EML6: variants seen among roughly 807,000 people sequenced by gnomAD.
EML6 encodes the protein EMAP like 6.
In EML6, 154 loss-of-function variants were observed where a neutral mutation model predicts 240.1. The observed-to-expected ratio is 0.64, with a 90% CI of 0.56 to 0.73. EML6 has a LOEUF of 0.73. Ranked by LOEUF, EML6 falls within the 30% of genes least tolerant of loss-of-function variation. The pLI, the probability that EML6 is intolerant of heterozygous loss-of-function variation, is 0.00. For synonymous variants in EML6, 1,148 were observed against 899.0 expected, an observed-to-expected ratio of 1.28 and a Z score of -4.95; for missense variants, 2,964 against 2,474.6, an observed-to-expected ratio of 1.20 and a Z score of -4.20.
At chr2:54,871,398 A>C (rs1014793690) in intron 15 of EML6, 102 bp from the exon 16 acceptor site, 2 of 849,016 alleles carry the variant, frequency 2.4e-6, no homozygotes, top group African/African-American at 3.4e-5. Context: ...CTATTCTCCA[A>C]ATGGGTTTAT....
At position 54,796,160 on chromosome 2, in the gene EML6, C is replaced by A. The variant is rs535575673; in HGVS notation, c.198-17072C>A. 7.2e-5 allele frequency among the ~76,000 whole-genome samples: 11 copies of A among 152,260 alleles called. No homozygotes were observed. The East Asian group carries it at 2.1e-3, about 29-fold the overall frequency. ...CCGTCTAATAGTATATAAGTAAAAT[C>A]CCAAGATATCATATCTATCTATGAC... is the stretch of plus-strand genomic sequence containing the variant. On this transcript the variant is annotated intron_variant, in intron 2 of 41. Transcript: ENST00000356458.
chr2:54,769,923 A>G (rs1368896444), intron 2 of EML6, among the ~76,000 whole-genome samples: 2 of 152,166 alleles, frequency 1.3e-5, no homozygotes, highest in African/African-American at 4.8e-5. Context: ...GAAAGCCACT[A>G]TAAATTTTAT....
At chr2:54,914,908 G>C (rs760187559) in intron 25 of EML6, among the ~76,000 whole-genome samples, 9 of 152,046 alleles carry the variant, frequency 5.9e-5, no homozygotes, top group Non-Finnish European at 1.3e-4. Context: ...TACAGTTAAA[G>C]CAGCACCATA....
chr2:54,832,117 C>G (rs913462809), intron 7 of EML6, among the ~76,000 whole-genome samples: 2 of 152,176 alleles, frequency 1.3e-5, no homozygotes, highest in African/African-American at 4.8e-5. Context: ...GAGATGCCTT[C>G]ATTCCAGTCC....
chr2:54,788,810 G>T (rs1017263917), intron 2 of EML6, among the ~76,000 whole-genome samples: 1 of 152,130 alleles, frequency 6.6e-6, no homozygotes, highest in Non-Finnish European at 1.5e-5. Context: ...TATTTCTCCT[G>T]AAGTTTTTAT....
intron 41 of EML6, among the ~76,000 whole-genome samples, chr2:54,969,344 C>A (rs1458947554): frequency 6.6e-6 from 1 of 152,190 alleles, no homozygotes; most frequent in Non-Finnish European, 1.5e-5. Context: ...TACAGGCCTT[C>A]TGATACTTCC....
At chr2:54,881,930 G>C (rs567509389) in intron 17 of EML6, 1 of 152,388 alleles carries the variant, frequency 6.6e-6, no homozygotes, top group East Asian at 1.9e-4. Context: ...CAGGAAGTGA[G>C]ATTTCTCCAC....
At chr2:54,908,678 C>T (rs967388753) in intron 24 of EML6, among the ~76,000 whole-genome samples, 1 of 152,186 alleles carries the variant, frequency 6.6e-6, no homozygotes, top group Non-Finnish European at 1.5e-5. Context: ...TCTGCACAAG[C>T]AGCCTTTCTC....
Position 54,863,838 on chromosome 2 carries a change from C to A in EML6, c.1881C>A (p.Pro627=). The A allele has an allele frequency of 6.5e-7, 1 of 1,548,904 alleles. No homozygotes were observed. Among genetic ancestry groups the A allele is most frequent in the Non-Finnish European group, 8.7e-7 (1 of 1,145,796 alleles). The change falls in exon 13 of 42, where the codon CCC becomes CCA. Residue 627 remains proline (P), a synonymous_variant. Transcript: ENST00000356458. The part of the protein sequence containing the change: ...EESDSDLSDV[P]ELDSDIEQEA... ...CTGATTCAGATTTATCTGATGTGCC[C>A]GAACTGGACTCTGATATTGAGCAAG...
At chr2:54,937,338 A>G (rs1233682283) in intron 28 of EML6, among the ~76,000 whole-genome samples, 1 of 151,636 alleles carries the variant, frequency 6.6e-6, no homozygotes, top group Non-Finnish European at 1.5e-5. Flanking sequence ...TTATCCCAGC[A>G]CTTTGGGAAG....
At chr2:54,822,512 G>C (rs1051241620) in intron 5 of EML6, among the ~76,000 whole-genome samples, 1 of 152,082 alleles carries the variant, frequency 6.6e-6, no homozygotes, top group Non-Finnish European at 1.5e-5. Context: ...AACCACTTAA[G>C]TGTCTCTAGG....
intron 28 of EML6, among the ~76,000 whole-genome samples, chr2:54,934,400 T>A (rs534846513): frequency 6.6e-6 from 1 of 152,222 alleles, no homozygotes; most frequent in South Asian, 2.1e-4. Flanking sequence ...ACGCATAAGC[T>A]GTCACTTTGC....
intron 2 of EML6, among the ~76,000 whole-genome samples, chr2:54,758,516 G>A (rs1017968535): frequency 3.9e-4 from 60 of 152,176 alleles, no homozygotes; most frequent in Admixed American, 2.6e-4. Flanking sequence ...CTGTTTAGAA[G>A]TGATTTTCTC....
At chr2:54,823,850 T>TTCTCTCTCTCTCTCTCTCTCTCTATCTC (rs1668445501) in intron 5 of EML6, among the ~76,000 whole-genome samples, 1 of 72,262 alleles carries the variant, frequency 1.4e-5, no homozygotes, top group Admixed American at 1.9e-4. Context: ...CATTCATTCA[T>TTCTCTCTCTCTCTCTCTCTCTCTATCTC]TCTCTCTCTC....
intron 2 of EML6, among the ~76,000 whole-genome samples, chr2:54,808,144 G>A (rs1670594990): frequency 6.6e-6 from 1 of 152,130 alleles, no homozygotes; most frequent in Non-Finnish European, 1.5e-5. Context: ...TCCTGTTTGT[G>A]CTGCCCAAGC....
At chr2:54,826,297 G>A (rs112209440) in intron 5 of EML6, among the ~76,000 whole-genome samples, 98 of 152,250 alleles carry the variant, frequency 6.4e-4, no homozygotes, top group Non-Finnish European at 1.2e-3. Flanking sequence ...CCTGAGGGGG[G>A]GCTATATCAA....
chr2:54,954,059 G>C lies in EML6; in HGVS notation c.4389G>C (p.Lys1463Asn). 1.3e-6 allele frequency: 2 copies of C among 1,551,914 alleles called. No homozygotes were observed. The highest frequency in any genetic ancestry group is 2.4e-5 in the East Asian group (1 of 40,910). The change falls in exon 32 of 42, where the codon AAG becomes AAC. Residue 1463 changes from lysine to asparagine, a missense_variant. Physicochemically the swap from Lys to Asn is moderately conservative, Grantham distance 94. Coordinates refer to ENST00000356458, the MANE Select transcript of EML6 (RefSeq NM_001039753.4). ...TLSMLRCFHSKGVNYINFSAT... is the reference protein window; with the variant it reads ...TLSMLRCFHSNGVNYINFSAT... ...CCATGCTGCGGTGCTTCCACTCCAA[G>C]GGGGTGAATTACATCAACTTCAGTG...
At chr2:54,941,562 A>G (rs1044752937) in intron 28 of EML6, among the ~76,000 whole-genome samples, 2 of 152,238 alleles carry the variant, frequency 1.3e-5, no homozygotes, top group African/African-American at 4.8e-5. Context: ...GATTTACCAT[A>G]TAGAGATTGA....
chr2:54,848,327 G>A (rs184998018), intron 9 of EML6, among the ~76,000 whole-genome samples: 142 of 152,148 alleles, frequency 9.3e-4, no homozygotes, highest in Non-Finnish European at 3.7e-4. Flanking sequence ...AATATTTCCC[G>A]CTTTGCACAG....
Sources: allele counts gnomAD v4.1 joint callset (sites outside exome capture counted in the v4.1 genomes callset), GRCh38; gene constraint gnomAD v4.1.1; transcripts MANE v1.5; gene names NCBI Gene and HGNC (gene_info 2026-07-23, HGNC 2026-07-21).